The following SLC35F3 variants were observed in gnomAD, a reference collection of about 807,000 sequenced individuals.
SLC35F3 encodes solute carrier family 35 member F3.
In SLC35F3, 25 loss-of-function variants were observed where a neutral mutation model predicts 49.9. That is an observed-to-expected ratio of 0.50 (90% CI 0.37 to 0.70). The LOEUF is 0.70. Ranked by LOEUF, SLC35F3 falls within the 30% of genes least tolerant of loss-of-function variation. The pLI is 0.00. For missense variants in SLC35F3, 525 were observed against 639.8 expected, an observed-to-expected ratio of 0.82 and a Z score of 1.94; for synonymous variants, 275 against 265.4, an observed-to-expected ratio of 1.04 and a Z score of -0.35.
chr1:234,266,680 C>T (rs995021666), intron 3 of SLC35F3, among the ~76,000 whole-genome samples: 3 of 152,138 alleles, frequency 2.0e-5, no homozygotes, highest in Admixed American at 6.5e-5. Context: ...CCTAATTGTT[C>T]GTAGGCTGCA....
intron 2 of SLC35F3, among the ~76,000 whole-genome samples, chr1:234,066,973 A>G (rs1193359400): frequency 1.3e-5 from 2 of 152,232 alleles, no homozygotes; most frequent in Non-Finnish European, 2.9e-5. Context: ...TTGCGTATGA[A>G]TAAAGCTAGT....
At chr1:234,101,553 G>A (rs1371287927) in intron 2 of SLC35F3, among the ~76,000 whole-genome samples, 1 of 152,196 alleles carries the variant, frequency 6.6e-6, no homozygotes, top group African/African-American at 2.4e-5. Context: ...ATATTGGATT[G>A]TCGTGAGGAT....
chr1:233,927,183 G>C (rs1008552329), intron 2 of SLC35F3, among the ~76,000 whole-genome samples: 9 of 151,958 alleles, frequency 5.9e-5, no homozygotes, highest in African/African-American at 2.2e-4. Flanking sequence ...GATTTGTTTT[G>C]GTAATTATGA....
chr1:234,273,959 A>G (rs1668154437), intron 3 of SLC35F3, among the ~76,000 whole-genome samples: 1 of 151,730 alleles, frequency 6.6e-6, no homozygotes, highest in Middle Eastern at 3.2e-3. Context: ...TGTGTACAAA[A>G]TAGGCCACAT....
At position 234,280,689 on chromosome 1, in the gene SLC35F3, A is replaced by G. The variant is rs374103383; in HGVS notation, c.609-28412A>G. On this transcript the variant is annotated intron_variant, in intron 3 of 7. Coordinates refer to ENST00000366618, the MANE Select transcript of SLC35F3 (RefSeq NM_173508.4). Reference sequence around the variant, plus strand: ...TGAAGAGCCACATTTCTCAGCACTCACCACGTGCTGGTGTGGTACTAAGCA... The same window carrying G: ...TGAAGAGCCACATTTCTCAGCACTCGCCACGTGCTGGTGTGGTACTAAGCA... 2.6e-5 allele frequency among the ~76,000 whole-genome samples: 4 copies of G among 152,344 alleles called. No homozygotes were observed. In the East Asian group the frequency reaches 5.8e-4, roughly 22 times the overall value.
In SLC35F3 at chr1:234,065,941, G is replaced by A. The variant is rs556223235; in HGVS notation, c.283+160183G>A. ...GCGTTAAACACGGGGTGACGTTGTC[G>A]TGAGGTCAGTGAATGACTTGAGGGC... On this transcript the variant is annotated intron_variant, in intron 2 of 7. Transcript: ENST00000366618. 6.6e-5 allele frequency among the ~76,000 whole-genome samples: 10 copies of A among 152,286 alleles called. No homozygotes were observed. In the East Asian group the frequency reaches 1.9e-3, roughly 29 times the overall value.
At chr1:233,967,751 G>A (rs1295134437) in intron 2 of SLC35F3, among the ~76,000 whole-genome samples, 3 of 152,228 alleles carry the variant, frequency 2.0e-5, no homozygotes, top group East Asian at 1.9e-4. Context: ...TTTCCACTCC[G>A]GAGTATAGAA....
chr1:234,182,931 A>G (rs949171504), intron 2 of SLC35F3, among the ~76,000 whole-genome samples: 1 of 117,192 alleles, frequency 8.5e-6, no homozygotes, highest in Non-Finnish European at 1.8e-5. Flanking sequence ...TATTTTTCTA[A>G]TCTTTTCTAT....
chr1:233,984,484 C>T (rs1046156897), intron 2 of SLC35F3, among the ~76,000 whole-genome samples: 3 of 152,164 alleles, frequency 2.0e-5, no homozygotes, highest in African/African-American at 7.2e-5. Flanking sequence ...GCAGAAGCCA[C>T]GGGCAAAATT....
chr1:233,934,860 T>C (rs1350632358), intron 2 of SLC35F3, among the ~76,000 whole-genome samples: 1 of 111,708 alleles, frequency 9.0e-6, no homozygotes, highest in East Asian at 2.4e-4. Context: ...AAAGAAGCTG[T>C]GTCTAGCCTG....
At chr1:234,174,886 A>T (rs1666452452) in intron 2 of SLC35F3, among the ~76,000 whole-genome samples, 1 of 152,220 alleles carries the variant, frequency 6.6e-6, no homozygotes, top group Non-Finnish European at 1.5e-5. Context: ...CCAAGGGACC[A>T]AGGGAATGTT....
intron 2 of SLC35F3, among the ~76,000 whole-genome samples, chr1:233,907,164 ATTC>A (rs1400239864): frequency 6.6e-6 from 1 of 152,340 alleles, no homozygotes; most frequent in African/African-American, 2.4e-5. Flanking sequence ...GCAATTTTCT[ATTC>A]TTATTTCCAT....
At chr1:234,035,216 T>C (rs1189814652) in intron 2 of SLC35F3, among the ~76,000 whole-genome samples, 1 of 152,182 alleles carries the variant, frequency 6.6e-6, no homozygotes, top group Non-Finnish European at 1.5e-5. Flanking sequence ...TTTTGAGACC[T>C]TGCACATCTG....
At chr1:234,276,652 G>A (rs28619067) in intron 3 of SLC35F3, among the ~76,000 whole-genome samples, 9,190 of 152,228 alleles carry the variant, frequency 0.06, 330 homozygotes, top group African/African-American at 0.098. Flanking sequence ...TTATGCACAG[G>A]AGAACAAACA....
intron 2 of SLC35F3, among the ~76,000 whole-genome samples, chr1:234,084,379 A>G (rs2102874228): frequency 6.6e-6 from 1 of 152,330 alleles, no homozygotes; most frequent in Middle Eastern, 3.4e-3. Flanking sequence ...CCAAACAAAT[A>G]TGAGACATAA....
At chr1:233,977,264 C>G (rs1342553726) in intron 2 of SLC35F3, among the ~76,000 whole-genome samples, 1 of 152,196 alleles carries the variant, frequency 6.6e-6, no homozygotes, top group Non-Finnish European at 1.5e-5. Flanking sequence ...CCTGCGATAG[C>G]TGTTTCTTGC....
chr1:234,212,108 C>T (rs759435878), intron 2 of SLC35F3, among the ~76,000 whole-genome samples: 1 of 152,210 alleles, frequency 6.6e-6, no homozygotes, highest in Non-Finnish European at 1.5e-5. Context: ...TCCTCCTTGC[C>T]TTCCACCATG....
rs540607612 is a variant in SLC35F3 at position 234,255,769 on chromosome 1, G to A, written c.608+24028G>A. 1.6e-4 allele frequency among the ~76,000 whole-genome samples: 25 copies of A among 152,292 alleles called. No homozygotes were observed. In the South Asian group the frequency reaches 5.2e-3, roughly 32 times the overall value. ...ATGATTTGAACCCTGGAAGGGTTGG[G>A]GATGAAGGGATGAATCAGTGGAGCT... On this transcript the variant is annotated intron_variant, in intron 3 of 7. Transcript: ENST00000366618.
At chr1:233,920,821 G>C (rs1444502287) in intron 2 of SLC35F3, among the ~76,000 whole-genome samples, 1 of 152,234 alleles carries the variant, frequency 6.6e-6, no homozygotes, top group African/African-American at 2.4e-5. Flanking sequence ...TTTAAGAGTT[G>C]AGGGCAGCCT....
Sources: allele counts gnomAD v4.1 joint callset (sites outside exome capture counted in the v4.1 genomes callset), GRCh38; gene constraint gnomAD v4.1.1; transcripts MANE v1.5; gene names NCBI Gene and HGNC (gene_info 2026-07-23, HGNC 2026-07-21).